The following PDS5A variants were observed in gnomAD, a reference collection of about 807,000 sequenced individuals.
PDS5A encodes the protein sister chromatid cohesion protein PDS5 homolog A.
Under a neutral mutation model 167.1 loss-of-function variants are expected in PDS5A, and 42 were observed. That is an observed-to-expected ratio of 0.25 (90% CI 0.20 to 0.33). PDS5A has a LOEUF of 0.33. Ranked by LOEUF, PDS5A falls within the 10% of genes least tolerant of loss-of-function variation. PDS5A has a pLI of 1.00. For missense variants in PDS5A, 1,033 were observed against 1,605.9 expected, an observed-to-expected ratio of 0.64 and a Z score of 6.10; for synonymous variants, 553 against 554.6, an observed-to-expected ratio of 1.00 and a Z score of 0.04.
chr4:39,899,365 T>C (rs1004524307), intron 14 of PDS5A, among the ~76,000 whole-genome samples: 1 of 152,174 alleles, frequency 6.6e-6, no homozygotes, highest in Non-Finnish European at 1.5e-5. Flanking sequence ...ATTTGAATAA[T>C]TTAGTTCAAA....
At chr4:39,935,668 G>A (rs944039852) in intron 2 of PDS5A, among the ~76,000 whole-genome samples, 4 of 152,000 alleles carry the variant, frequency 2.6e-5, no homozygotes, top group Non-Finnish European at 5.9e-5. Context: ...TTTGATTACT[G>A]TAGCTTTATT....
chr4:39,900,361 A>G (rs1560466383), intron 14 of PDS5A, 65 bp downstream of exon 14: 1 of 970,668 alleles, frequency 1.0e-6, no homozygotes, highest in Non-Finnish European at 1.6e-6. Context: ...TTCATTACGT[A>G]GAACTACAGA....
intron 22 of PDS5A, 128 bp downstream of exon 22, chr4:39,869,266 T>G: frequency 1.5e-6 from 1 of 684,078 alleles, no homozygotes; most frequent in East Asian, 2.6e-5. Context: ...AGCCCAGGAG[T>G]TCAAGACCAA....
At position 39,908,488 on chromosome 4, in the gene PDS5A, G is replaced by A; in HGVS notation, c.1140C>T (p.Val380=). The A allele has an allele frequency of 1.3e-6, 2 of 1,594,608 alleles. No homozygotes were observed. The highest frequency in any genetic ancestry group is 1.3e-5 in the African/African-American group (1 of 74,688). The change falls in exon 11 of 33, where the codon GTC becomes GTT. Residue 380 remains valine, a synonymous_variant. Transcript: ENST00000303538. ...TGGCAGCTGTTATTATAGTAACAAT[G>A]ACATCATGACGAATAGCTTCTTCTG... The part of the protein sequence containing the change: ...HDPEEAIRHD[V]IVTIITAAKR...
rs1719171584 is a variant in PDS5A, at chr4:39,863,533, T to C, written c.2643-74A>G. On this transcript the variant is annotated intron_variant, in intron 23 of 32. Coordinates refer to ENST00000303538, the MANE Select transcript of PDS5A (RefSeq NM_001100399.2). ...TCATAAAAATGCTTTCGTCCCTTTT[T>C]GAATGTAAGGTCCTTAGAGCATAAT... 11 of 1,060,866 alleles carry C rather than the reference T, an allele frequency of 1.0e-5. No homozygotes were observed. The East Asian group carries it at 2.4e-4, about 23-fold the overall frequency. 65.7% of individuals were successfully genotyped at this position (1,060,866 alleles called of 1,614,324 possible).
intron 17 of PDS5A, among the ~76,000 whole-genome samples, chr4:39,880,078 A>G (rs1283899131): frequency 6.6e-6 from 1 of 152,098 alleles, no homozygotes; most frequent in Non-Finnish European, 1.5e-5. Flanking sequence ...ATGACACAGC[A>G]CTCTGGTAAT....
chr4:39,844,629 A>C (rs1440036547), intron 30 of PDS5A, 27 bp downstream of exon 30: 1 of 1,589,936 alleles, frequency 6.3e-7, no homozygotes, highest in East Asian at 2.2e-5. Context: ...GAGTGCTAGT[A>C]ACAAAATAAT....
chr4:39,830,650 CCT>C (rs1362347691), intron 32 of PDS5A, among the ~76,000 whole-genome samples: 1 of 152,196 alleles, frequency 6.6e-6, no homozygotes, highest in Non-Finnish European at 1.5e-5. Context: ...GTCTCAAACT[CCT>C]GACCTCAAGT....
At chr4:39,845,266 A>G (rs2109504955) in intron 29 of PDS5A, among the ~76,000 whole-genome samples, 1 of 152,326 alleles carries the variant, frequency 6.6e-6, no homozygotes, top group East Asian at 1.9e-4. Flanking sequence ...ATCAAAAGTC[A>G]TAAGCATATC....
chr4:39,878,743 T>C (rs1463986719), intron 18 of PDS5A, among the ~76,000 whole-genome samples: 1 of 152,076 alleles, frequency 6.6e-6, no homozygotes, highest in Non-Finnish European at 1.5e-5. Context: ...ATTAATGAAA[T>C]GATTTTTTTT....
At chr4:39,840,982 C>G (rs1185819420) in intron 31 of PDS5A, among the ~76,000 whole-genome samples, 1 of 152,068 alleles carries the variant, frequency 6.6e-6, no homozygotes, top group East Asian at 1.9e-4. Context: ...TCTCCAACTC[C>G]TGACCACAAG....
chr4:39,877,500 A>G (rs948864447), intron 18 of PDS5A, among the ~76,000 whole-genome samples: 1 of 152,224 alleles, frequency 6.6e-6, no homozygotes, highest in African/African-American at 2.4e-5. Flanking sequence ...TTATAAATAT[A>G]TTGTATTTAG....
chr4:39,968,375 C>T (rs1483564310), intron 2 of PDS5A, among the ~76,000 whole-genome samples: 8 of 141,728 alleles, frequency 5.6e-5, no homozygotes, highest in African/African-American at 1.8e-4. Flanking sequence ...GATGGAGTTT[C>T]GCTCTTGTTG....
At chr4:39,932,144 C>G (rs2109747890) in intron 2 of PDS5A, among the ~76,000 whole-genome samples, 1 of 152,314 alleles carries the variant, frequency 6.6e-6, no homozygotes, top group East Asian at 1.9e-4. Flanking sequence ...CCACCTGCCT[C>G]AGCCTCCCCA....
chr4:39,879,648 C>T (rs1336381558), intron 18 of PDS5A, 80 bp downstream of exon 18: 1 of 740,788 alleles, frequency 1.3e-6, no homozygotes. Flanking sequence ...GTGAAATAAG[C>T]CTGACTCTTG....
chr4:39,963,459 C>CA (rs946708973), intron 2 of PDS5A, among the ~76,000 whole-genome samples: 72 of 144,444 alleles, frequency 5.0e-4, no homozygotes, highest in African/African-American at 7.8e-4. Flanking sequence ...GACTCCATCT[C>CA]AAAAAAAAAA....
chr4:39,922,749 CTA>C lies in PDS5A; in HGVS notation c.528-3_528-2del. The C allele has an allele frequency of 7.8e-7, 1 of 1,289,340 alleles. No homozygotes were observed. Among genetic ancestry groups the C allele is most frequent in the Admixed American group, 3.3e-5 (1 of 29,942 alleles). The allele number at this position is 1,289,340 out of a possible 1,614,324, so 79.9% of individuals were successfully genotyped here. A position where few individuals can be genotyped will look rare whatever the true frequency, so the allele number is the denominator to read the frequency against. On this transcript the variant is annotated splice_acceptor_variant and splice_polypyrimidine_tract_variant and intron_variant, in intron 5 of 32. Transcript: ENST00000303538. LOFTEE classifies it high-confidence loss of function. ...TTGTACCTTCTTATTGTGGCTATTG[CTA>C]TAAAAAAAAAAAAAAAAGAATAAGT...
rs747559554 is a variant in PDS5A, at chr4:39,923,648, C to CACAAACACACAA, written c.528-901_528-900insTTGTGTGTTTGT. Among the ~76,000 whole-genome samples, 25 of 151,342 alleles carry CACAAACACACAA rather than the reference C, an allele frequency of 1.7e-4. No individual in the cohort carries two copies. In the East Asian group the frequency reaches 3.7e-3, roughly 23 times the overall value. ...AAGACCCTGTCTCAAAACACACACA[C>CACAAACACACAA]ACACACACACACACACACACACACG... On this transcript the variant is annotated intron_variant, in intron 5 of 32. Coordinates refer to ENST00000303538, the MANE Select transcript of PDS5A (RefSeq NM_001100399.2).
chr4:39,900,838 C>T (rs1331058417), intron 13 of PDS5A, among the ~76,000 whole-genome samples: 1 of 152,100 alleles, frequency 6.6e-6, no homozygotes, highest in African/African-American at 2.4e-5. Flanking sequence ...AACTGAAAAA[C>T]ATGTATACGC....
Sources: allele counts gnomAD v4.1 joint callset (sites outside exome capture counted in the v4.1 genomes callset), GRCh38; gene constraint gnomAD v4.1.1; transcripts MANE v1.5; gene names NCBI Gene and HGNC (gene_info 2026-07-23, HGNC 2026-07-21).